Variants in RASAL2 observed in about 807,000 individuals in gnomAD.
RASAL2 encodes ras GTPase-activating protein nGAP.
Under a neutral mutation model 128.9 loss-of-function variants are expected in RASAL2, and 58 were observed. The observed-to-expected ratio is 0.45, with a 90% CI of 0.36 to 0.56. The LOEUF (loss-of-function observed/expected upper bound fraction) is 0.56, where lower values mean the gene tolerates loss of function less well. Ranked by LOEUF, RASAL2 falls within the 20% of genes least tolerant of loss-of-function variation. The pLI, the probability that RASAL2 is intolerant of heterozygous loss-of-function variation, is 0.00. For missense variants in RASAL2, 1,360 were observed against 1,601.6 expected, an observed-to-expected ratio of 0.85 and a Z score of 2.57; for synonymous variants, 561 against 580.8, an observed-to-expected ratio of 0.97 and a Z score of 0.49.
intron 1 of RASAL2, among the ~76,000 whole-genome samples, chr1:178,246,968 C>T (rs959123959): frequency 1.3e-5 from 2 of 152,090 alleles, no homozygotes; most frequent in African/African-American, 2.4e-5. Flanking sequence ...ATCAGTTTGC[C>T]AGTATTTTAT....
At chr1:178,297,744 T>C (rs1190530375) in intron 2 of RASAL2, among the ~76,000 whole-genome samples, 2 of 152,144 alleles carry the variant, frequency 1.3e-5, no homozygotes, top group Non-Finnish European at 2.9e-5. Flanking sequence ...TATCATATTT[T>C]AAGTTTTAAT....
intron 3 of RASAL2, among the ~76,000 whole-genome samples, chr1:178,367,306 C>T (rs999883221): frequency 1.3e-5 from 2 of 152,098 alleles, no homozygotes; most frequent in East Asian, 1.9e-4. Context: ...CTAAAACTTA[C>T]CACCTTTAAC....
At chr1:178,160,931 C>G (rs1558087789) in intron 1 of RASAL2, among the ~76,000 whole-genome samples, 1 of 152,150 alleles carries the variant, frequency 6.6e-6, no homozygotes, top group African/African-American at 2.4e-5. Flanking sequence ...ACACTTCTGA[C>G]CCTAATAGTG....
chr1:178,150,681 C>T (rs1009237440), intron 1 of RASAL2, among the ~76,000 whole-genome samples: 3 of 151,866 alleles, frequency 2.0e-5, no homozygotes, highest in Admixed American at 6.6e-5. Context: ...CCTCATTATT[C>T]ATCATTATTC....
Position 178,475,214 on chromosome 1 carries a change from G to A in RASAL2, c.*1975G>A, listed in dbSNP as rs999439495. Reference sequence around the variant, plus strand: ...TCTGCCAGACAGATCTAAAATGGGAGTTTCTCACTGTGTTTATCTGATCTG... The same window carrying A: ...TCTGCCAGACAGATCTAAAATGGGAATTTCTCACTGTGTTTATCTGATCTG... On this transcript the variant is annotated 3_prime_UTR_variant, in exon 18 of 18. Coordinates refer to ENST00000367649, the MANE Select transcript of RASAL2 (RefSeq NM_170692.4). 6.6e-6 allele frequency: 1 copy of A among 152,200 alleles called. No homozygotes were observed. Among genetic ancestry groups the A allele is most frequent in the South Asian group, 2.1e-4 (1 of 4,826 alleles). 9.4% of individuals were successfully genotyped at this position (152,200 alleles called of 1,614,324 possible). A position where few individuals can be genotyped will look rare whatever the true frequency, so the allele number is the denominator to read the frequency against.
intron 1 of RASAL2, among the ~76,000 whole-genome samples, chr1:178,274,484 C>G (rs534441258): frequency 6.6e-6 from 1 of 152,088 alleles, no homozygotes; most frequent in Non-Finnish European, 1.5e-5. Flanking sequence ...ATTTTTCTGT[C>G]GGTAACAGAA....
chr1:178,417,820 A>T (rs757267450), intron 4 of RASAL2, among the ~76,000 whole-genome samples: 3 of 151,646 alleles, frequency 2.0e-5, no homozygotes, highest in Non-Finnish European at 4.4e-5. Context: ...AGATTTAATT[A>T]GTAGACAGTC....
chr1:178,425,346 G>GTTCTGCT (rs1021546013), intron 5 of RASAL2, among the ~76,000 whole-genome samples: 14 of 152,156 alleles, frequency 9.2e-5, no homozygotes, highest in African/African-American at 3.1e-4. Flanking sequence ...GGTGAAAACA[G>GTTCTGCT]TTCTGCTTTT....
intron 4 of RASAL2, among the ~76,000 whole-genome samples, chr1:178,417,685 G>A (rs1674853661): frequency 1.3e-5 from 2 of 151,368 alleles, no homozygotes; most frequent in East Asian, 3.9e-4. Flanking sequence ...CTTGAACCTG[G>A]GAGGCGGAGG....
At chr1:178,258,070 G>T (rs559233203) in intron 1 of RASAL2, among the ~76,000 whole-genome samples, 1 of 151,868 alleles carries the variant, frequency 6.6e-6, no homozygotes, top group African/African-American at 2.4e-5. Context: ...CAAGGCGGGC[G>T]GATCATGAGG....
At chr1:178,382,868 GT>G (rs1672358492) in intron 3 of RASAL2, among the ~76,000 whole-genome samples, 1 of 152,098 alleles carries the variant, frequency 6.6e-6, no homozygotes, top group Admixed American at 6.6e-5. Context: ...CTAGATACGT[GT>G]TTTCTATCTG....
At chr1:178,317,711 C>G (rs1434591470) in intron 3 of RASAL2, among the ~76,000 whole-genome samples, 1 of 147,978 alleles carries the variant, frequency 6.8e-6, no homozygotes, top group Non-Finnish European at 1.5e-5. Context: ...TGCTAGCGGT[C>G]TATCAATTTT....
chr1:178,269,602 C>T (rs1217946161), intron 1 of RASAL2, among the ~76,000 whole-genome samples: 2 of 152,100 alleles, frequency 1.3e-5, no homozygotes, highest in South Asian at 2.1e-4. Flanking sequence ...AAAATGGTGA[C>T]GAGCGTGACC....
intron 1 of RASAL2, among the ~76,000 whole-genome samples, chr1:178,187,478 C>G (rs375911478): frequency 2.6e-5 from 4 of 152,206 alleles, no homozygotes; most frequent in African/African-American, 9.6e-5. Context: ...TCATGTCTGT[C>G]ATTTCAGTAG....
intron 1 of RASAL2, among the ~76,000 whole-genome samples, chr1:178,128,697 C>T (rs972146789): frequency 3.3e-5 from 5 of 152,180 alleles, no homozygotes; most frequent in African/African-American, 1.2e-4. Flanking sequence ...AGTTAATTCC[C>T]ACTCCCAGCC....
At chr1:178,152,840 C>A (rs1202533090) in intron 1 of RASAL2, among the ~76,000 whole-genome samples, 2 of 152,062 alleles carry the variant, frequency 1.3e-5, no homozygotes, top group Non-Finnish European at 2.9e-5. Context: ...CCAGTCACAC[C>A]CTTTCAGATT....
At chr1:178,115,831 G>C (rs1659504251) in intron 1 of RASAL2, among the ~76,000 whole-genome samples, 1 of 152,166 alleles carries the variant, frequency 6.6e-6, no homozygotes, top group Non-Finnish European at 1.5e-5. Flanking sequence ...GAAAAGAGAA[G>C]TGGACAGATT....
chr1:178,100,810 A>G (rs536340260), intron 1 of RASAL2, among the ~76,000 whole-genome samples: 1 of 152,376 alleles, frequency 6.6e-6, no homozygotes, highest in East Asian at 1.9e-4. Context: ...ACAAAAAAGC[A>G]TTCAACTAAT....
At chr1:178,437,346 G>A (rs954227448) in intron 5 of RASAL2, among the ~76,000 whole-genome samples, 6 of 151,984 alleles carry the variant, frequency 3.9e-5, no homozygotes, top group Non-Finnish European at 8.8e-5. Context: ...ATTTGTTCTC[G>A]TCTTCTAAAC....
Sources: gnomAD v4.1 joint callset for allele counts (sites outside exome capture counted in the v4.1 genomes callset) on GRCh38, gnomAD v4.1.1 for gene constraint, MANE v1.5 for transcripts, NCBI Gene and HGNC (gene_info 2026-07-23, HGNC 2026-07-21) for gene names.